The following MIDEAS variants were observed in gnomAD, a reference collection of about 807,000 sequenced individuals.
MIDEAS encodes mitotic deacetylase-associated SANT domain protein.
A neutral mutation model predicts 102.7 loss-of-function variants in MIDEAS; 26 were observed. That is an observed-to-expected ratio of 0.25 (90% CI 0.19 to 0.35). MIDEAS has a LOEUF of 0.35. MIDEAS is among the 10% of genes least tolerant of loss of function. The pLI is 1.00. For missense variants in MIDEAS, 1,231 were observed against 1,435.6 expected (o/e 0.86, Z 2.30); for synonymous variants, 585 against 591.0 (o/e 0.99, Z 0.15).
At position 73,725,949 on chromosome 14, in the gene MIDEAS, T is replaced by C. The variant is rs2053054096; in HGVS notation, c.2485+84A>G. 1 of 1,209,908 alleles carries C rather than the reference T, an allele frequency of 8.3e-7. No homozygotes were observed. Among genetic ancestry groups the C allele is most frequent in the Non-Finnish European group, 1.2e-6 (1 of 837,686 alleles). 74.9% of individuals were successfully genotyped at this position (1,209,908 alleles called of 1,614,324 possible). A position where few individuals can be genotyped will look rare whatever the true frequency, so the allele number is the denominator to read the frequency against. On this transcript the variant is annotated intron_variant, in intron 8 of 12. Coordinates refer to ENST00000423556, the MANE Select transcript of MIDEAS (RefSeq NM_001367710.1). The surrounding 1 kb of genome is among the most constrained non-coding windows in gnomAD (Gnocchi z 4.1). ...TCCTCCTCCCGCCCCCACCCAGGGC[T>C]GTGACTCAGCACTGAGCAGGGCCCC...
At chr14:73,770,978 G>T (rs2053637327) in intron 1 of MIDEAS, among the ~76,000 whole-genome samples, 1 of 152,118 alleles carries the variant, frequency 6.6e-6, no homozygotes, top group Admixed American at 6.5e-5. Context: ...CCACTGTAGG[G>T]CGTGAAGATG....
Position 73,725,953 on chromosome 14 carries a change from A to G in MIDEAS, c.2485+80T>C. The G allele has an allele frequency of 8.0e-7, 1 of 1,244,212 alleles. No homozygotes were observed. The highest frequency in any genetic ancestry group is 1.2e-6 in the Non-Finnish European group (1 of 867,510). The allele number at this position is 1,244,212 out of a possible 1,614,324, so 77.1% of individuals were successfully genotyped here. On this transcript the variant is annotated intron_variant, in intron 8 of 12. Coordinates refer to ENST00000423556, the MANE Select transcript of MIDEAS (RefSeq NM_001367710.1). This position sits in a 1 kb window ranked among gnomAD's most constrained non-coding sequence, Gnocchi z 4.1. ...CCTCCCGCCCCCACCCAGGGCTGTG[A>G]CTCAGCACTGAGCAGGGCCCCATGG...
rs993739414 is a variant in MIDEAS, at chr14:73,718,806, G to A, written c.*37C>T. The A allele has an allele frequency of 3.3e-5, 45 of 1,376,138 alleles. No homozygotes were observed. The highest frequency in any genetic ancestry group is 5.2e-4 in the Middle Eastern group (2 of 3,858). 85.2% of individuals were successfully genotyped at this position (1,376,138 alleles called of 1,614,324 possible). ...GGGCGCTGGCGGCGGTGCGGGAAGG[G>A]CCGAGGCCCAGGACTGGGCCAGCCT... On this transcript the variant is annotated 3_prime_UTR_variant, in exon 13 of 13. Transcript: ENST00000423556.
At chr14:73,738,454 T>C in intron 2 of MIDEAS, 106 bp downstream of exon 2, 1 of 1,375,154 alleles carries the variant, frequency 7.3e-7, no homozygotes, top group Non-Finnish European at 9.6e-7. Context: ...GGCAGCTGGC[T>C]AGGGCAAAGT....
intron 1 of MIDEAS, among the ~76,000 whole-genome samples, chr14:73,772,951 G>A (rs7159615): frequency 0.19 from 28,511 of 151,620 alleles, 3,567 homozygotes; most frequent in Non-Finnish European, 0.27. Flanking sequence ...TGATTCTCCT[G>A]CCTCAGCCTC....
chr14:73,739,067 G>GT lies in MIDEAS; in HGVS notation c.941dup (p.Asn314LysfsTer38), dbSNP rs1343581739. 6.4e-7 allele frequency: 1 copy of GT among 1,574,178 alleles called. No homozygotes were observed. The highest frequency in any genetic ancestry group is 1.7e-5 in the Admixed American group (1 of 57,462). On this transcript the variant is annotated frameshift_variant, in exon 2 of 13. Coordinates refer to ENST00000423556, the MANE Select transcript of MIDEAS (RefSeq NM_001367710.1). LOFTEE classifies it high-confidence loss of function. ...TGCGCAGTTCTGGGTTCATATCTGG[G>GT]TTGGGGGGGAAGGGGTAGGGTGCCA...
chr14:73,725,500 A>T lies in MIDEAS; in HGVS notation c.2486-140T>A. 1.5e-6 allele frequency: 1 copy of T among 658,454 alleles called. No homozygotes were observed. Among genetic ancestry groups the T allele is most frequent in the Non-Finnish European group, 2.7e-6 (1 of 367,992 alleles). 40.8% of individuals were successfully genotyped at this position (658,454 alleles called of 1,614,324 possible). ...AGAGCCGGCTCCTCGTCCCACTTCC[A>T]TGTGCCTCACAGCCTCGCTCCCTTG... is the stretch of plus-strand genomic sequence containing the variant. On this transcript the variant is annotated intron_variant, in intron 8 of 12. Coordinates refer to ENST00000423556, the MANE Select transcript of MIDEAS (RefSeq NM_001367710.1). The surrounding 1 kb of genome is among the most constrained non-coding windows in gnomAD (Gnocchi z 4.1).
chr14:73,756,088 G>A (rs539379943), intron 1 of MIDEAS, among the ~76,000 whole-genome samples: 1 of 152,132 alleles, frequency 6.6e-6, no homozygotes, highest in Non-Finnish European at 1.5e-5. Flanking sequence ...TCATTCCCAC[G>A]CACCCATCAG....
chr14:73,781,691 G>T lies in MIDEAS; in HGVS notation c.-248+5411C>A, dbSNP rs567264119. Among the ~76,000 whole-genome samples, 26 of 120,830 alleles carry T rather than the reference G, an allele frequency of 2.2e-4. 1 individual carries two copies. In the East Asian group the frequency reaches 6.6e-3, roughly 31 times the overall value. 79.3% of individuals were successfully genotyped at this position (120,830 alleles called of 152,430 possible). ...AGAGATTATGGTGAGCCAAGATCGTGCCATTGCACTCCAGCCTGGGCAACA... is the reference window on the plus strand; with the variant it reads ...AGAGATTATGGTGAGCCAAGATCGTTCCATTGCACTCCAGCCTGGGCAACA... On this transcript the variant is annotated intron_variant, in intron 1 of 11. Transcript: ENST00000394071.
At chr14:73,775,361 AT>A (rs2053680660) in intron 1 of MIDEAS, among the ~76,000 whole-genome samples, 1 of 152,100 alleles carries the variant, frequency 6.6e-6, no homozygotes, top group Admixed American at 6.5e-5. Flanking sequence ...TAGTAAAATA[AT>A]TCAGGTTCTT....
At chr14:73,723,601 G>C (rs926280531) in intron 9 of MIDEAS, 1 of 152,196 alleles carries the variant, frequency 6.6e-6, no homozygotes, top group Non-Finnish European at 1.5e-5. Context: ...CTGAATCAGA[G>C]AACAAGAGAG....
intron 10 of MIDEAS, 179 bp downstream of exon 10, chr14:73,722,519 C>T: frequency 1.7e-6 from 1 of 578,084 alleles, no homozygotes; most frequent in Non-Finnish European, 3.0e-6. Flanking sequence ...ATTACTATGA[C>T]ACCAGCAGTA....
At chr14:73,730,082 G>T in intron 3 of MIDEAS, 97 bp from the exon 4 acceptor site, 2 of 1,276,050 alleles carry the variant, frequency 1.6e-6, no homozygotes, top group Non-Finnish European at 2.2e-6. Context: ...TTGGAACTTA[G>T]TCTGCCTACC....
At chr14:73,775,899 T>C (rs975688583) in intron 1 of MIDEAS, among the ~76,000 whole-genome samples, 2 of 151,884 alleles carry the variant, frequency 1.3e-5, no homozygotes, top group Admixed American at 6.6e-5. Context: ...CAAACAAAGC[T>C]GTAGCTCCTT....
At chr14:73,735,080 T>C (rs1488943273) in intron 3 of MIDEAS, among the ~76,000 whole-genome samples, 2 of 152,158 alleles carry the variant, frequency 1.3e-5, no homozygotes, top group African/African-American at 4.8e-5. Flanking sequence ...TAAAGTAGAA[T>C]GGTGGTTACC....
chr14:73,730,130 C>A, intron 3 of MIDEAS, 145 bp from the exon 4 acceptor site: 1 of 858,304 alleles, frequency 1.2e-6, no homozygotes, highest in Non-Finnish European at 1.9e-6. Flanking sequence ...GGAGCAGGTC[C>A]AAAAGCCCTT....
At chr14:73,727,598 T>C (rs1595256741) in intron 4 of MIDEAS, 74 bp from the exon 5 acceptor site, 11 of 1,400,178 alleles carry the variant, frequency 7.9e-6, no homozygotes, top group Non-Finnish European at 1.1e-5. Context: ...GTGGCTGCCC[T>C]GTATGTGCAA....
Position 73,738,979 on chromosome 14 carries a change from G to GGGGGAA in MIDEAS, c.1024_1029dup (p.Phe342_Pro343dup). ...TCCTTAGAGAGGCGGCGGGAGCGGCGGGGGAAGGGGATCTGGACCTGAGGT... is the reference window on the plus strand; with the variant it reads ...TCCTTAGAGAGGCGGCGGGAGCGGCGGGGGAAGGGGAAGGGGATCTGGACCTGAGGT... On this transcript the variant is annotated inframe_insertion, in exon 2 of 13. Transcript: ENST00000423556. The GGGGGAA allele has an allele frequency of 1.3e-6, 2 of 1,531,854 alleles. No individual in the cohort carries two copies. The highest frequency in any genetic ancestry group is 1.8e-6 in the Non-Finnish European group (2 of 1,140,778). 94.9% of individuals were successfully genotyped at this position (1,531,854 alleles called of 1,614,324 possible). A position where few individuals can be genotyped will look rare whatever the true frequency, so the allele number is the denominator to read the frequency against.
At chr14:73,734,619 G>A (rs759868829) in intron 3 of MIDEAS, among the ~76,000 whole-genome samples, 16 of 151,910 alleles carry the variant, frequency 1.1e-4, no homozygotes, top group Non-Finnish European at 2.4e-4. Flanking sequence ...TGTAGAGATG[G>A]GGTCTCTCCT....
Sources: gnomAD v4.1 joint callset for allele counts (sites outside exome capture counted in the v4.1 genomes callset) on GRCh38, gnomAD v4.1.1 for gene constraint, Gnocchi (gnomAD v3.1) non-coding constraint, MANE v1.5 for transcripts, NCBI Gene and HGNC (gene_info 2026-07-23, HGNC 2026-07-21) for gene names.